Variants in TRAPPC10 observed in about 807,000 individuals in gnomAD.
TRAPPC10 encodes the protein trafficking protein particle complex subunit 10, also known as TRAPP 130 kDa subunit.
A neutral mutation model predicts 125.5 loss-of-function variants in TRAPPC10; 23 were observed. The observed-to-expected ratio is 0.18, with a 90% CI of 0.13 to 0.26. The LOEUF (loss-of-function observed/expected upper bound fraction) is 0.26, where lower values mean the gene tolerates loss of function less well. Among genes scored for constraint, TRAPPC10 ranks in the 10% least tolerant of loss-of-function variants. The probability of loss-of-function intolerance (pLI) is 1.00; values close to 1 mark genes in which losing one functional copy is unlikely to be tolerated. For missense variants in TRAPPC10, 1,123 were observed against 1,308.4 expected, an observed-to-expected ratio of 0.86 and a Z score of 2.19; for synonymous variants, 509 against 518.0, an observed-to-expected ratio of 0.98 and a Z score of 0.24.
At chr21:44,017,018 G>A (rs755318290) in intron 1 of TRAPPC10, among the ~76,000 whole-genome samples, 4 of 152,174 alleles carry the variant, frequency 2.6e-5, no homozygotes, top group Admixed American at 6.5e-5. Flanking sequence ...TGGTGCTTGC[G>A]ATTTAACCAT....
intron 7 of TRAPPC10, among the ~76,000 whole-genome samples, chr21:44,073,870 A>G (rs73375163): frequency 0.024 from 3,707 of 152,196 alleles, 171 homozygotes; most frequent in African/African-American, 0.083. Context: ...AATGTGACCA[A>G]GCAGTCATTT....
chr21:44,013,514 A>T (rs1569131478), intron 1 of TRAPPC10, among the ~76,000 whole-genome samples: 1 of 152,326 alleles, frequency 6.6e-6, no homozygotes, highest in East Asian at 1.9e-4. Flanking sequence ...TCTGTTGCAA[A>T]ATCTGGGTGC....
rs2037584676 is a variant in TRAPPC10, at chr21:44,080,126, A to G, written c.1722A>G (p.Pro574=). 1 of 1,612,646 alleles carries G rather than the reference A, an allele frequency of 6.2e-7. No homozygotes were observed. The highest frequency in any genetic ancestry group is 8.5e-7 in the Non-Finnish European group (1 of 1,178,702). The change falls in exon 13 of 23, where the codon CCA becomes CCG. Residue 574 remains proline (P), a splice_region_variant and synonymous_variant. Coordinates refer to ENST00000291574, the MANE Select transcript of TRAPPC10 (RefSeq NM_003274.5). The part of the protein sequence containing the change: ...LDFASQPSDS[P]GHKIVLPMHS... ...TTGCCAGCCAGCCGTCAGACAGCCC[A>G]GGTAAGACCAGTTCTTACAACTTGA...
chr21:44,042,090 C>T (rs1033324972), intron 3 of TRAPPC10, among the ~76,000 whole-genome samples: 9 of 152,132 alleles, frequency 5.9e-5, no homozygotes, highest in African/African-American at 1.7e-4. Flanking sequence ...CGATTTTTTC[C>T]CTCCAGAGAA....
At chr21:44,085,123 A>G (rs1235591078) in intron 15 of TRAPPC10, among the ~76,000 whole-genome samples, 2 of 152,152 alleles carry the variant, frequency 1.3e-5, no homozygotes, top group Non-Finnish European at 2.9e-5. Flanking sequence ...GTTGGGTGCC[A>G]CTGCTGAAAG....
At chr21:44,084,074 TG>T (rs752371398) in intron 14 of TRAPPC10, 47 bp from the exon 15 acceptor site, 302 of 1,610,456 alleles carry the variant, frequency 1.9e-4, no homozygotes, top group Non-Finnish European at 2.5e-4. Context: ...GGAAGCTAAC[TG>T]CAAAACTGGG....
chr21:44,089,020 T>TA (rs1225482969), intron 17 of TRAPPC10: 1 of 201,028 alleles, frequency 5.0e-6, no homozygotes, highest in East Asian at 1.7e-4. Flanking sequence ...TGTGCCGTGT[T>TA]ACCCCGCTCT....
At position 44,083,211 on chromosome 21, in the gene TRAPPC10, CAG is replaced by C. The variant is rs752408450; in HGVS notation, c.2148_2149del (p.Val718GlyfsTer76). 4 of 1,614,182 alleles carry C rather than the reference CAG, an allele frequency of 2.5e-6. No individual in the cohort carries two copies. The highest frequency in any genetic ancestry group is 3.4e-6 in the Non-Finnish European group (4 of 1,180,026). ...AGCAGCTCCTCTCTAGAGATGCCCT[CAG>C]GGGTGGCTCTGGAGGAGGGTGCCCA... is the stretch of plus-strand genomic sequence containing the variant. On this transcript the variant is annotated frameshift_variant, in exon 14 of 23. Coordinates refer to ENST00000291574, the MANE Select transcript of TRAPPC10 (RefSeq NM_003274.5). LOFTEE classifies it high-confidence loss of function.
rs566279713 is a variant in TRAPPC10 at position 44,016,801 on chromosome 21, G to T, written c.67+4241G>T. 1.5e-3 allele frequency among the ~76,000 whole-genome samples: 225 copies of T among 152,266 alleles called. 1 individual carries two copies. The highest frequency in any genetic ancestry group is 5.4e-4 in the Non-Finnish European group (37 of 68,018). On this transcript the variant is annotated intron_variant, in intron 1 of 22. Coordinates refer to ENST00000291574, the MANE Select transcript of TRAPPC10 (RefSeq NM_003274.5). ...AGCCTTCCGAGTAGCTGGGACTACAGGCGCCCGCCACCACGCCTGGCTAAT... is the reference window on the plus strand; with the variant it reads ...AGCCTTCCGAGTAGCTGGGACTACATGCGCCCGCCACCACGCCTGGCTAAT...
At chr21:44,051,259 G>A (rs147281527) in intron 3 of TRAPPC10, among the ~76,000 whole-genome samples, 1 of 152,304 alleles carries the variant, frequency 6.6e-6, no homozygotes, top group East Asian at 1.9e-4. Flanking sequence ...CTCTGCCTGA[G>A]TGTTACTCAA....
rs1569208876 is a variant in TRAPPC10 at position 44,082,153 on chromosome 21, ATACTT to A, written c.1724-634_1724-630del. On this transcript the variant is annotated intron_variant, in intron 13 of 22. Transcript: ENST00000291574. The surrounding 1 kb of genome is among the most constrained non-coding windows in gnomAD (Gnocchi z 4.4). ...CCTTTCGTTGATGAATATTTAATAA[ATACTT>A]AACTGGTCACTTCTGCAGCCTTGTG... is the stretch of plus-strand genomic sequence containing the variant. Among the ~76,000 whole-genome samples, 2 of 152,236 alleles carry A rather than the reference ATACTT, an allele frequency of 1.3e-5. No homozygotes were observed. Among genetic ancestry groups the A allele is most frequent in the East Asian group, 1.9e-4 (1 of 5,204 alleles).
At chr21:44,088,065 TTCTG>T (rs1304240076) in intron 17 of TRAPPC10, 137 bp downstream of exon 17, 5 of 749,496 alleles carry the variant, frequency 6.7e-6, no homozygotes, top group Admixed American at 2.6e-5. Flanking sequence ...TGTTTAGCAG[TTCTG>T]TCTGTCTGTG....
At chr21:44,064,581 TCTC>T in intron 7 of TRAPPC10, among the ~76,000 whole-genome samples, 1 of 152,084 alleles carries the variant, frequency 6.6e-6, no homozygotes, top group East Asian at 1.9e-4. Context: ...CTGGTTAAGA[TCTC>T]CTGAGTGAGT....
intron 2 of TRAPPC10, 134 bp from the exon 3 acceptor site, chr21:44,037,658 C>T (rs981324038): frequency 7.6e-5 from 75 of 982,978 alleles, no homozygotes; most frequent in Non-Finnish European, 1.1e-4. Flanking sequence ...AGCAGAATAG[C>T]GTAGTTATGA....
chr21:44,013,788 G>C (rs1281642014), intron 1 of TRAPPC10, among the ~76,000 whole-genome samples: 1 of 152,142 alleles, frequency 6.6e-6, no homozygotes, highest in Non-Finnish European at 1.5e-5. Context: ...AGTGGACTGT[G>C]TCTCATTTAA....
chr21:44,065,746 A>G (rs1358281546), intron 7 of TRAPPC10, among the ~76,000 whole-genome samples: 6 of 152,130 alleles, frequency 3.9e-5, no homozygotes, highest in Admixed American at 2.0e-4. Context: ...AGCCCACACA[A>G]TCCTCTTTGC....
chr21:44,022,641 C>T (rs1025078984), intron 1 of TRAPPC10, among the ~76,000 whole-genome samples: 1 of 151,858 alleles, frequency 6.6e-6, no homozygotes, highest in Non-Finnish European at 1.5e-5. Flanking sequence ...ACCAAATATT[C>T]AGTGTTTAAG....
At chr21:44,026,447 C>A (rs9981086) in intron 1 of TRAPPC10, among the ~76,000 whole-genome samples, 2 of 152,098 alleles carry the variant, frequency 1.3e-5, no homozygotes, top group South Asian at 4.2e-4. Flanking sequence ...ATGTTTTTAT[C>A]GTCCATTTGA....
chr21:44,080,149 T>G, intron 13 of TRAPPC10, 22 bp downstream of exon 13: 1 of 1,580,294 alleles, frequency 6.3e-7, no homozygotes, highest in Non-Finnish European at 8.7e-7. Flanking sequence ...TCTTACAACT[T>G]GACTAGGAAT....
Sources: gnomAD v4.1 joint callset for allele counts (sites outside exome capture counted in the v4.1 genomes callset) on GRCh38, gnomAD v4.1.1 for gene constraint, Gnocchi (gnomAD v3.1) non-coding constraint, MANE v1.5 for transcripts, NCBI Gene and HGNC (gene_info 2026-07-23, HGNC 2026-07-21) for gene names.